PCNX2: variants seen among roughly 807,000 people sequenced by gnomAD.
PCNX2 encodes pecanex 2.
In PCNX2, 168 loss-of-function variants were observed where a neutral mutation model predicts 223.8. The observed-to-expected ratio is 0.75, with a 90% CI of 0.66 to 0.85. The LOEUF (loss-of-function observed/expected upper bound fraction) is 0.85, where lower values mean the gene tolerates loss of function less well. Among genes scored for constraint, PCNX2 ranks in the 40% least tolerant of loss-of-function variants. PCNX2 has a pLI of 0.00. For missense variants in PCNX2, 2,507 were observed against 2,675.5 expected (o/e 0.94, Z 1.39); for synonymous variants, 1,006 against 1,052.6 (o/e 0.96, Z 0.86).
At chr1:233,270,060 C>T (rs990004681) in intron 1 of PCNX2, among the ~76,000 whole-genome samples, 2 of 148,598 alleles carry the variant, frequency 1.3e-5, no homozygotes, top group African/African-American at 4.9e-5. Context: ...GTCATCCATC[C>T]CCATTCATTC....
intron 9 of PCNX2, chr1:233,232,902 T>C: frequency 1.0e-6 from 1 of 984,666 alleles, no homozygotes; most frequent in Non-Finnish European, 1.2e-6. Flanking sequence ...TATCATAGAC[T>C]TGCATAGAGC....
At chr1:233,252,975 A>G (rs1659545379) in intron 5 of PCNX2, among the ~76,000 whole-genome samples, 187 bp from the exon 6 acceptor site, 1 of 152,244 alleles carries the variant, frequency 6.6e-6, no homozygotes, top group Non-Finnish European at 1.5e-5. Flanking sequence ...TGTGAAAAAC[A>G]GAAGTATGTA....
intron 17 of PCNX2, among the ~76,000 whole-genome samples, chr1:233,169,339 T>C (rs949628694): frequency 1.3e-5 from 2 of 152,260 alleles, no homozygotes; most frequent in East Asian, 1.9e-4. Context: ...TGAAAATTTA[T>C]TTTACTGTTT....
At chr1:233,254,181 T>C (rs1271221583) in intron 5 of PCNX2, among the ~76,000 whole-genome samples, 4 of 152,218 alleles carry the variant, frequency 2.6e-5, no homozygotes. Context: ...GGCTTCTCTG[T>C]GAGTCCTGAA....
chr1:233,265,883 T>A (rs963691622), intron 1 of PCNX2, among the ~76,000 whole-genome samples: 1 of 152,200 alleles, frequency 6.6e-6, no homozygotes, highest in Non-Finnish European at 1.5e-5. Flanking sequence ...TGCCCCAATA[T>A]TCAGAGAGAT....
chr1:233,241,295 C>T (rs1189886309), intron 8 of PCNX2: 1 of 985,288 alleles, frequency 1.0e-6, no homozygotes, highest in Non-Finnish European at 1.2e-6. Flanking sequence ...GCTGTTGCCA[C>T]CGGAACAGAA....
intron 23 of PCNX2, among the ~76,000 whole-genome samples, chr1:233,072,349 T>C (rs754186861): frequency 2.0e-5 from 3 of 152,214 alleles, no homozygotes; most frequent in Non-Finnish European, 4.4e-5. Context: ...CCAGTTTCAA[T>C]TTCTGCATAT....
intron 8 of PCNX2, among the ~76,000 whole-genome samples, chr1:233,240,413 C>T (rs1293394190): frequency 2.0e-5 from 3 of 152,058 alleles, no homozygotes; most frequent in Admixed American, 6.6e-5. Context: ...AAAGCCAAAG[C>T]GTTTCCCACA....
At chr1:233,304,249 G>T in the PCNX2 span, among the ~76,000 whole-genome samples, 1 of 152,144 alleles carries the variant, frequency 6.6e-6, no homozygotes, top group African/African-American at 2.4e-5. Flanking sequence ...TGAGCATGGG[G>T]TAGTATTATT....
At chr1:233,099,879 T>C (rs1003319319) in intron 21 of PCNX2, among the ~76,000 whole-genome samples, 4 of 152,190 alleles carry the variant, frequency 2.6e-5, no homozygotes, top group Non-Finnish European at 4.4e-5. Context: ...CACTATAATA[T>C]TGTATTGAAG....
In PCNX2 at chr1:233,000,144, C is replaced by G. The variant is rs1670029748; in HGVS notation, c.5328+161G>C. On this transcript the variant is annotated intron_variant, in intron 30 of 33. Transcript: ENST00000258229. This position sits in a 1 kb window ranked among gnomAD's most constrained non-coding sequence, Gnocchi z 4.6. ...GCACCCAGCCTGGCACCATGCCCTG[C>G]CCCACTTGCCAGCCAGCGCTCCTTC... Among the ~76,000 whole-genome samples, 1 of 152,156 alleles carries G rather than the reference C, an allele frequency of 6.6e-6. No individual in the cohort carries two copies.
intron 21 of PCNX2, among the ~76,000 whole-genome samples, chr1:233,111,469 C>CAT (rs1291763097): frequency 2.0e-5 from 3 of 152,100 alleles, no homozygotes; most frequent in African/African-American, 7.2e-5. Context: ...AGTGAAGTGG[C>CAT]ATAATCATGG....
chr1:233,043,545 A>C, intron 25 of PCNX2, among the ~76,000 whole-genome samples: 1 of 141,246 alleles, frequency 7.1e-6, no homozygotes, highest in African/African-American at 2.6e-5. Flanking sequence ...TCCTAAAGCT[A>C]TCCCTCCTCC....
intron 19 of PCNX2, among the ~76,000 whole-genome samples, chr1:233,143,276 C>A (rs1490825025): frequency 2.0e-5 from 3 of 152,196 alleles, no homozygotes; most frequent in Admixed American, 1.3e-4. Flanking sequence ...ACGTTGAAAT[C>A]ACTTCGGGGC....
intron 1 of PCNX2, among the ~76,000 whole-genome samples, chr1:233,277,928 A>G (rs994033429): frequency 5.3e-5 from 8 of 152,236 alleles, no homozygotes; most frequent in African/African-American, 1.9e-4. Context: ...GACTACTGAA[A>G]GATGAGGAAA....
At chr1:233,316,934 G>C in the PCNX2 span, among the ~76,000 whole-genome samples, 5 of 152,178 alleles carry the variant, frequency 3.3e-5, no homozygotes, top group East Asian at 7.7e-4. Flanking sequence ...ATGGTAACAG[G>C]CAACTTTGTT....
rs1423648450 is a variant in PCNX2, at chr1:233,178,588, T to C, written c.3176+478A>G. Among the ~76,000 whole-genome samples, 6 of 152,212 alleles carry C rather than the reference T, an allele frequency of 3.9e-5. No individual in the cohort carries two copies. The East Asian group carries it at 9.6e-4, about 24-fold the overall frequency. ...AATTTCACTTTAAATCCAGAGGACGTTGGCCAGATTGGGAACAACAACAAC... is the reference window on the plus strand; with the variant it reads ...AATTTCACTTTAAATCCAGAGGACGCTGGCCAGATTGGGAACAACAACAAC... On this transcript the variant is annotated intron_variant, in intron 16 of 33. Transcript: ENST00000258229.
In PCNX2 at chr1:233,276,278, T is replaced by C. The variant is rs553562857; in HGVS notation, c.154-13115A>G. 2.0e-4 allele frequency among the ~76,000 whole-genome samples: 31 copies of C among 152,168 alleles called. 1 individual carries two copies. The highest frequency in any genetic ancestry group is 1.4e-3 in the Admixed American group (22 of 15,290). On this transcript the variant is annotated intron_variant, in intron 1 of 33. Transcript: ENST00000258229. ...GAGGTAACTAGAGTATTCAAACTCA[T>C]AGAGACAAAAAGTAGAATGGTGGTT...
chr1:232,998,491 C>A, intron 31 of PCNX2, 53 bp from the exon 32 acceptor site: 1 of 1,580,822 alleles, frequency 6.3e-7, no homozygotes, highest in South Asian at 1.1e-5. Context: ...TTCCAATCCC[C>A]CTAAATGCAC....
Sources: allele counts gnomAD v4.1 joint callset (sites outside exome capture counted in the v4.1 genomes callset), GRCh38; gene constraint gnomAD v4.1.1; non-coding constraint Gnocchi (gnomAD v3.1); transcripts MANE v1.5; gene names NCBI Gene and HGNC (gene_info 2026-07-23, HGNC 2026-07-21).